XYLT2: variants seen among roughly 807,000 people sequenced by gnomAD.
XYLT2 encodes xylosyltransferase 2, also known as UDP-D-xylose:proteoglycan core protein beta-D-xylosyltransferase.
A neutral mutation model predicts 82.6 loss-of-function variants in XYLT2; 37 were observed. The ratio of observed to expected loss-of-function variants is 0.45; its 90% CI spans 0.34 to 0.59. The LOEUF (loss-of-function observed/expected upper bound fraction) is 0.59, where lower values mean the gene tolerates loss of function less well. Ranked by LOEUF, XYLT2 falls within the 20% of genes least tolerant of loss-of-function variation. The probability of loss-of-function intolerance (pLI) is 0.01; values close to 1 mark genes in which losing one functional copy is unlikely to be tolerated. For missense variants in XYLT2, 934 were observed against 1,181.3 expected (o/e 0.79, Z 3.07); for synonymous variants, 474 against 499.0 (o/e 0.95, Z 0.67).
rs1912651717 is a variant in XYLT2 at position 50,358,453 on chromosome 17, C to T, written c.2188C>T (p.Arg730Ter). The T allele has an allele frequency of 1.2e-6, 2 of 1,614,182 alleles. No individual in the cohort carries two copies. The highest frequency in any genetic ancestry group is 8.5e-7 in the Non-Finnish European group (1 of 1,180,046). The change falls in exon 10 of 11, where the codon CGA (arginine) becomes TGA (stop). Residue 730 changes from arginine (R) to a stop codon, truncating the protein, a stop_gained. Coordinates refer to ENST00000017003, the MANE Select transcript of XYLT2 (RefSeq NM_022167.4). LOFTEE classifies it high-confidence loss of function. ...CCTGCGGCCAGGGCCCTGGACTGTT[C>T]GACTCCTTCAGTTCTGGGAACCGCT... is the stretch of plus-strand genomic sequence containing the variant. ...RPLRPGPWTV[R>*]LLQFWEPLGE...
chr17:50,358,117 T>C lies in XYLT2; in HGVS notation c.1942-90T>C. 2.5e-6 allele frequency: 3 copies of C among 1,216,562 alleles called. No homozygotes were observed. The South Asian group carries it at 4.7e-5, about 19-fold the overall frequency. The allele number at this position is 1,216,562 out of a possible 1,614,324, so 75.4% of individuals were successfully genotyped here. On this transcript the variant is annotated intron_variant, in intron 9 of 10. Coordinates refer to ENST00000017003, the MANE Select transcript of XYLT2 (RefSeq NM_022167.4). ...CTGAGGCCCAGAAAGAGACAGTGAC[T>C]GGCCTGAGATTACACAGTGAGAGGC... is the stretch of plus-strand genomic sequence containing the variant.
At chr17:50,359,053 C>T (rs1482148910) in intron 10 of XYLT2, 1 of 154,904 alleles carries the variant, frequency 6.5e-6, no homozygotes, top group Non-Finnish European at 1.4e-5. Flanking sequence ...ATGCATTGGC[C>T]TCAGGCTCTG....
rs553953396 is a variant in XYLT2 at position 50,353,834 on chromosome 17, C to G, written c.340C>G (p.Pro114Ala). 3.1e-6 allele frequency: 5 copies of G among 1,592,690 alleles called. No individual in the cohort carries two copies. Among genetic ancestry groups the G allele is most frequent in the Non-Finnish European group, 3.4e-6 (4 of 1,171,260 alleles). ...CAGCCGGCGGGTCCCACCTGCCCCACCCCCGGAAGCCCCAGGCCGCCAGAA... is the reference window on the plus strand; with the variant it reads ...CAGCCGGCGGGTCCCACCTGCCCCAGCCCCGGAAGCCCCAGGCCGCCAGAA... The part of the protein sequence containing the change: ...RASRRVPPAP[P>A]PEAPGRQNLS... The change falls in exon 2 of 11, where the codon CCC becomes GCC. Residue 114 changes from proline to alanine, a missense_variant. Transcript: ENST00000017003.
In XYLT2 at chr17:50,346,972, G is replaced by C. The variant is rs1912068712; in HGVS notation, c.135+697G>C. ...CAGGACCTTAGGGAATTAGGGAGGG[G>C]CCCTCTGGCTTTAAGGGAATGGGGA... On this transcript the variant is annotated intron_variant, in intron 1 of 10. Transcript: ENST00000017003. This position sits in a 1 kb window ranked among gnomAD's most constrained non-coding sequence, Gnocchi z 5.1. 4.1e-5 allele frequency: 40 copies of C among 979,492 alleles called. No individual in the cohort carries two copies. The highest frequency in any genetic ancestry group is 4.4e-5 in the Non-Finnish European group (36 of 824,596). The allele number at this position is 979,492 out of a possible 1,614,324, so 60.7% of individuals were successfully genotyped here. A position where few individuals can be genotyped will look rare whatever the true frequency, so the allele number is the denominator to read the frequency against.
Position 50,358,423 on chromosome 17 carries a change from C to A in XYLT2, c.2158C>A (p.Arg720=), listed in dbSNP as rs185089747. The A allele has an allele frequency of 6.2e-7, 1 of 1,614,124 alleles. No individual in the cohort carries two copies. The highest frequency in any genetic ancestry group is 2.2e-5 in the East Asian group (1 of 44,888). ...EVTQYKPPLS[R]PLRPGPWTVR... is the part of the protein sequence containing the mutation. ...CACGCAATACAAGCCCCCACTGAGC[C>A]GGCCCCTGCGGCCAGGGCCCTGGAC... The change falls in exon 10 of 11, where the codon CGG becomes AGG. Residue 720 remains arginine, a synonymous_variant. Coordinates refer to ENST00000017003, the MANE Select transcript of XYLT2 (RefSeq NM_022167.4).
At position 50,357,252 on chromosome 17, in the gene XYLT2, G is replaced by A; in HGVS notation, c.1941G>A (p.Glu647=). ...AGGCCAGCCGGCTCCAGAGTCTGGA[G>A]GTGGGACAGGTCCCCCACTTGCTTT... ...SDQASRLQSL[E]VGTDWDPKER... Residue 647 remains glutamate, a splice_region_variant and synonymous_variant, in exon 9 of 11, where the codon GAG becomes GAA. Coordinates refer to ENST00000017003, the MANE Select transcript of XYLT2 (RefSeq NM_022167.4). 1 of 1,580,076 alleles carries A rather than the reference G, an allele frequency of 6.3e-7. No individual in the cohort carries two copies.
At chr17:50,359,713 C>CG (rs1567808991) in intron 10 of XYLT2, 3 of 511,274 alleles carry the variant, frequency 5.9e-6, no homozygotes, top group Non-Finnish European at 1.0e-5. Flanking sequence ...CCAGACTGTT[C>CG]CCTTTTCTAA....
intron 4 of XYLT2, 71 bp from the exon 5 acceptor site, chr17:50,355,430 G>T (rs1912476944): frequency 6.5e-7 from 1 of 1,531,844 alleles, no homozygotes; most frequent in South Asian, 1.1e-5. Flanking sequence ...AGAAAAGCCA[G>T]AAGGTCCGCT....
In XYLT2 at chr17:50,354,794, G is replaced by A. The variant is rs930996431; in HGVS notation, c.805-60G>A. 58 of 1,600,102 alleles carry A rather than the reference G, an allele frequency of 3.6e-5. No individual in the cohort carries two copies. The African/African-American group carries it at 4.5e-4, about 13-fold the overall frequency. Reference sequence around the variant, plus strand: ...GTCTTGTGTCCCTTCACTCTGTCCTGGGGTGGGATTGGGGATGGCGATAAC... The same window carrying A: ...GTCTTGTGTCCCTTCACTCTGTCCTAGGGTGGGATTGGGGATGGCGATAAC... On this transcript the variant is annotated intron_variant, in intron 3 of 10. Coordinates refer to ENST00000017003, the MANE Select transcript of XYLT2 (RefSeq NM_022167.4).
intron 1 of XYLT2, among the ~76,000 whole-genome samples, chr17:50,350,747 T>C (rs535220098): frequency 6.6e-6 from 1 of 152,080 alleles, no homozygotes; most frequent in African/African-American, 2.4e-5. Context: ...TATTGTGCGA[T>C]GGTGAAAAGC....
chr17:50,352,335 C>T (rs60795996), intron 1 of XYLT2, among the ~76,000 whole-genome samples: 7,241 of 152,294 alleles, frequency 0.048, 592 homozygotes, highest in African/African-American at 0.16. Context: ...CCTGTTCCTC[C>T]GTCCATTCTA....
intron 4 of XYLT2, 48 bp downstream of exon 4, chr17:50,355,104 C>T (rs750057430): frequency 1.3e-6 from 2 of 1,509,134 alleles, no homozygotes; most frequent in East Asian, 2.3e-5. Context: ...GGACCCCTGT[C>T]TGGGCACCTG....
chr17:50,355,184 T>C, intron 4 of XYLT2, 128 bp downstream of exon 4: 1 of 990,274 alleles, frequency 1.0e-6, no homozygotes. Flanking sequence ...TGCTCAGACA[T>C]GGGCCCCTGG....
Position 50,346,257 on chromosome 17 carries a change from G to A in XYLT2, c.117G>A (p.Glu39=). 2.5e-6 allele frequency: 3 copies of A among 1,191,756 alleles called. No homozygotes were observed. Among genetic ancestry groups the A allele is most frequent in the South Asian group, 4.1e-5 (2 of 48,310 alleles). The allele number at this position is 1,191,756 out of a possible 1,614,324, so 73.8% of individuals were successfully genotyped here. ...GLVVWSFSGL[E]EDEAGEKGRQ... ...TAGTGTGGAGCTTCAGCGGCCTGGAGGAGGACGAGGCGGGCGAGGTGCTCC... is the reference window on the plus strand; with the variant it reads ...TAGTGTGGAGCTTCAGCGGCCTGGAAGAGGACGAGGCGGGCGAGGTGCTCC... The change falls in exon 1 of 11, where the codon GAG becomes GAA. Residue 39 remains glutamate (E), a synonymous_variant. Coordinates refer to ENST00000017003, the MANE Select transcript of XYLT2 (RefSeq NM_022167.4). The surrounding 1 kb of genome is among the most constrained non-coding windows in gnomAD (Gnocchi z 5.1).
chr17:50,358,202 T>G lies in XYLT2; in HGVS notation c.1942-5T>G. 6.3e-7 allele frequency: 1 copy of G among 1,586,672 alleles called. No individual in the cohort carries two copies. Among genetic ancestry groups the G allele is most frequent in the Non-Finnish European group, 8.6e-7 (1 of 1,164,430 alleles). On this transcript the variant is annotated splice_region_variant and splice_polypyrimidine_tract_variant and intron_variant, in intron 9 of 10. Transcript: ENST00000017003. ...ACTCCTGCCCAGCTGCCTCTCTCTC[T>G]ACAGGTTGGCACTGATTGGGACCCC...
At chr17:50,347,919 C>T (rs1912106357) in intron 1 of XYLT2, among the ~76,000 whole-genome samples, 1 of 152,234 alleles carries the variant, frequency 6.6e-6, no homozygotes, top group African/African-American at 2.4e-5. Context: ...TTGCCTCCTC[C>T]CTTATCCTTA....
chr17:50,349,196 C>A (rs1318832977), intron 1 of XYLT2, among the ~76,000 whole-genome samples: 1 of 152,252 alleles, frequency 6.6e-6, no homozygotes, highest in South Asian at 2.1e-4. Flanking sequence ...GGCTTCCACT[C>A]GGAGAGCCTA....
At chr17:50,348,448 G>C (rs143709449) in intron 1 of XYLT2, among the ~76,000 whole-genome samples, 1 of 152,328 alleles carries the variant, frequency 6.6e-6, no homozygotes, top group Non-Finnish European at 1.5e-5. Context: ...AAGGACCAGA[G>C]CAAGGGGCAA....
chr17:50,347,402 G>C (rs1255218417), intron 1 of XYLT2, among the ~76,000 whole-genome samples: 1 of 152,204 alleles, frequency 6.6e-6, no homozygotes, highest in Non-Finnish European at 1.5e-5. Context: ...AACCCAGAGG[G>C]TGGGATGGTG....
Sources: allele counts gnomAD v4.1 joint callset (sites outside exome capture counted in the v4.1 genomes callset), GRCh38; gene constraint gnomAD v4.1.1; non-coding constraint Gnocchi (gnomAD v3.1); transcripts MANE v1.5; gene names NCBI Gene and HGNC (gene_info 2026-07-23, HGNC 2026-07-21).